The following GLRA3 variants were observed in gnomAD, a reference collection of about 807,000 sequenced individuals.
GLRA3 encodes the protein glycine receptor subunit alpha-3.
Under a neutral mutation model 60.4 loss-of-function variants are expected in GLRA3, and 44 were observed. That is an observed-to-expected ratio of 0.73 (90% CI 0.57 to 0.94). GLRA3 has a LOEUF of 0.94. Ranked by LOEUF, GLRA3 falls within the 40% of genes least tolerant of loss-of-function variation. The pLI is 0.00. For synonymous variants in GLRA3, 223 were observed against 192.9 expected, an observed-to-expected ratio of 1.16 and a Z score of -1.29; for missense variants, 508 against 564.6, an observed-to-expected ratio of 0.90 and a Z score of 1.02.
chr4:174,811,483 A>T (rs1740272894), intron 1 of GLRA3, among the ~76,000 whole-genome samples: 1 of 152,110 alleles, frequency 6.6e-6, no homozygotes, highest in Non-Finnish European at 1.5e-5. Context: ...CTTAAATGTC[A>T]TGTCCTCCAC....
chr4:174,717,418 T>G (rs1421405721), intron 4 of GLRA3, among the ~76,000 whole-genome samples: 2 of 151,966 alleles, frequency 1.3e-5, no homozygotes, highest in Non-Finnish European at 2.9e-5. Context: ...TATTTAAGCT[T>G]TAACAAAAAA....
At chr4:174,692,287 C>T (rs1278266858) in intron 5 of GLRA3, among the ~76,000 whole-genome samples, 4 of 139,724 alleles carry the variant, frequency 2.9e-5, no homozygotes, top group East Asian at 2.0e-4. Flanking sequence ...GCACCCCACC[C>T]GGCCAGCCGC....
intron 2 of GLRA3, among the ~76,000 whole-genome samples, chr4:174,777,212 A>G (rs1041614788): frequency 1.3e-5 from 2 of 152,224 alleles, no homozygotes; most frequent in African/African-American, 2.4e-5. Context: ...ATGAGATTTG[A>G]CTTCTTTATG....
chr4:174,735,481 G>A (rs1485933), intron 3 of GLRA3, among the ~76,000 whole-genome samples: 66,739 of 151,696 alleles, frequency 0.44, 16,251 homozygotes, highest in Middle Eastern at 0.61. Context: ...TTTTATTGCT[G>A]CTTGATGTTA....
Position 174,640,840 on chromosome 4 carries a change from T to G in GLRA3, c.*2946A>C, listed in dbSNP as rs1732607661. On this transcript the variant is annotated 3_prime_UTR_variant, in exon 10 of 10. Transcript: ENST00000274093. ...AAGATGAGCAGTCCGGATGATTCCC[T>G]AATATAGCCACTGAGAGTTGGATGG... 1.3e-5 allele frequency: 2 copies of G among 152,062 alleles called. No homozygotes were observed. Among genetic ancestry groups the G allele is most frequent in the South Asian group, 4.1e-4 (2 of 4,828 alleles). The allele number at this position is 152,062 out of a possible 1,614,324, so 9.4% of individuals were successfully genotyped here. A position where few individuals can be genotyped will look rare whatever the true frequency, so the allele number is the denominator to read the frequency against.
At chr4:174,756,594 C>A (rs1340555387) in intron 3 of GLRA3, among the ~76,000 whole-genome samples, 1 of 151,504 alleles carries the variant, frequency 6.6e-6, no homozygotes, top group Non-Finnish European at 1.5e-5. Context: ...GAAGTAAACT[C>A]AATCTAATAA....
intron 1 of GLRA3, among the ~76,000 whole-genome samples, chr4:174,796,465 A>G (rs1739572618): frequency 6.6e-6 from 1 of 152,172 alleles, no homozygotes; most frequent in Non-Finnish European, 1.5e-5. Flanking sequence ...TTTTTACACA[A>G]AAGAATTTAT....
At chr4:174,777,640 G>A (rs1738653930) in intron 2 of GLRA3, among the ~76,000 whole-genome samples, 1 of 152,056 alleles carries the variant, frequency 6.6e-6, no homozygotes, top group Non-Finnish European at 1.5e-5. Flanking sequence ...AACACACGTT[G>A]TTATGAATTT....
intron 1 of GLRA3, among the ~76,000 whole-genome samples, chr4:174,815,759 C>CT (rs1262406974): frequency 1.3e-5 from 2 of 152,150 alleles, no homozygotes; most frequent in African/African-American, 4.8e-5. Flanking sequence ...GGATCCTGGG[C>CT]TGAACCACAA....
intron 2 of GLRA3, among the ~76,000 whole-genome samples, chr4:174,771,827 G>A (rs116443506): frequency 0.016 from 2,445 of 152,232 alleles, 76 homozygotes; most frequent in African/African-American, 0.055. Flanking sequence ...AATACATTTT[G>A]TCTCGTCTTT....
chr4:174,828,808 C>T lies in GLRA3; in HGVS notation c.4G>A (p.Ala2Thr). 2 of 1,603,496 alleles carry T rather than the reference C, an allele frequency of 1.2e-6. No homozygotes were observed. The highest frequency in any genetic ancestry group is 1.7e-6 in the Non-Finnish European group (2 of 1,170,386). ...AATGTCCGAAAGTGTCTCACGTGGG[C>T]CATGATACGGAGAGATATTCACGAT... MAHVRHFRTLVS... is the reference protein window; with the variant it reads MTHVRHFRTLVS... The change falls in exon 1 of 10, where the codon GCC becomes ACC. Residue 2 changes from alanine to threonine, a missense_variant. Around this residue, in one of 3 missense-constraint regions of GLRA3, gnomAD observed 329 missense variants for 349.3 expected, o/e 0.94. Transcript: ENST00000274093.
intron 5 of GLRA3, among the ~76,000 whole-genome samples, chr4:174,684,851 A>G (rs1012413272): frequency 2.0e-5 from 3 of 152,116 alleles, no homozygotes; most frequent in Admixed American, 1.3e-4. Flanking sequence ...CTACTAAAAA[A>G]CACAAAAATT....
chr4:174,675,123 C>T (rs896621913), intron 7 of GLRA3, among the ~76,000 whole-genome samples: 1 of 151,980 alleles, frequency 6.6e-6, no homozygotes, highest in Non-Finnish European at 1.5e-5. Context: ...CAATCAATTC[C>T]TTTTGTGGGT....
At chr4:174,694,513 A>G (rs6856518) in intron 5 of GLRA3, among the ~76,000 whole-genome samples, 90,694 of 151,892 alleles carry the variant, frequency 0.6, 27,368 homozygotes, top group South Asian at 0.67. Flanking sequence ...AAATTAAGGC[A>G]GAAATAAAGT....
At position 174,704,705 on chromosome 4, in the gene GLRA3, T is replaced by C. The variant is rs1168072962; in HGVS notation, c.574+10783A>G. On this transcript the variant is annotated intron_variant, in intron 5 of 9. Coordinates refer to ENST00000274093, the MANE Select transcript of GLRA3 (RefSeq NM_006529.4). ...TATGAAAGTAACCCATTTCCATCAA[T>C]GGATGAATGGAGAAATAAAATATTA... Among the ~76,000 whole-genome samples, 6 of 143,768 alleles carry C rather than the reference T, an allele frequency of 4.2e-5. 2 individuals are homozygous for C. 94.3% of individuals were successfully genotyped at this position (143,768 alleles called of 152,430 possible).
rs1021931205 is a variant in GLRA3, at chr4:174,766,824, C to T, written c.267+139G>A. ...CTGAAATGTTATTACCTGCAGGTGA[C>T]TGTAATTTAATTATACTATTAATTT... On this transcript the variant is annotated intron_variant, in intron 3 of 9. Coordinates refer to ENST00000274093, the MANE Select transcript of GLRA3 (RefSeq NM_006529.4). The T allele has an allele frequency of 2.3e-5, 12 of 523,870 alleles. No homozygotes were observed. In the African/African-American group the frequency reaches 2.3e-4, roughly 10 times the overall value. The allele number at this position is 523,870 out of a possible 1,614,324, so 32.5% of individuals were successfully genotyped here.
At chr4:174,690,314 C>T (rs971353062) in intron 5 of GLRA3, among the ~76,000 whole-genome samples, 1 of 152,086 alleles carries the variant, frequency 6.6e-6, no homozygotes, top group African/African-American at 2.4e-5. Flanking sequence ...TTTTCATTTA[C>T]ATTGCATTGA....
At chr4:174,797,803 C>A (rs553825575) in intron 1 of GLRA3, among the ~76,000 whole-genome samples, 5 of 151,838 alleles carry the variant, frequency 3.3e-5, no homozygotes, top group Non-Finnish European at 5.9e-5. Context: ...AGATAGCAAA[C>A]GCCTCTAGTC....
intron 1 of GLRA3, among the ~76,000 whole-genome samples, chr4:174,791,661 G>C (rs1739350349): frequency 1.3e-5 from 2 of 152,046 alleles, no homozygotes; most frequent in South Asian, 4.1e-4. Context: ...TAGTTGATTT[G>C]AAGTCTTTGT....
Sources: allele counts gnomAD v4.1 joint callset (sites outside exome capture counted in the v4.1 genomes callset), GRCh38; gene constraint gnomAD v4.1.1; regional missense constraint gnomAD v4.1.1; transcripts MANE v1.5; gene names NCBI Gene and HGNC (gene_info 2026-07-23, HGNC 2026-07-21).